Variants in SLC16A7 observed in about 807,000 individuals in gnomAD.
SLC16A7 encodes the protein monocarboxylate transporter 2.
SLC16A7 carries 33 observed loss-of-function variants against 34.9 expected under a neutral mutation model. The ratio of observed to expected loss-of-function variants is 0.94; its 90% CI spans 0.72 to 1.26. The LOEUF (loss-of-function observed/expected upper bound fraction) is 1.26, where lower values mean the gene tolerates loss of function less well. Ranked by LOEUF, SLC16A7 falls within the 50% of genes most tolerant of loss-of-function variation. The pLI, the probability that SLC16A7 is intolerant of heterozygous loss-of-function variation, is 0.00. For missense variants in SLC16A7, 573 were observed against 578.1 expected (o/e 0.99, Z 0.09); for synonymous variants, 201 against 206.6 (o/e 0.97, Z 0.23).
intron 1 of SLC16A7, among the ~76,000 whole-genome samples, chr12:59,620,084 G>A (rs954124356): frequency 2.0e-4 from 31 of 151,460 alleles, no homozygotes; most frequent in African/African-American, 6.8e-4. Context: ...GACAGAGAGG[G>A]CAGCTGCCTA....
chr12:59,634,407 C>T (rs1428021863), intron 1 of SLC16A7, among the ~76,000 whole-genome samples: 1 of 152,054 alleles, frequency 6.6e-6, no homozygotes, highest in Non-Finnish European at 1.5e-5. Context: ...TGGGAAACCA[C>T]TGCAACTGCA....
intron 2 of SLC16A7, among the ~76,000 whole-genome samples, chr12:59,662,086 T>G (rs1176945321): frequency 6.6e-6 from 1 of 152,078 alleles, no homozygotes; most frequent in East Asian, 1.9e-4. Context: ...GACCTTTGTT[T>G]TTTTGTGTTT....
In SLC16A7 at chr12:59,774,986, G is replaced by GA; in HGVS notation, c.696dup (p.Val233SerfsTer2). 2 of 1,613,750 alleles carry GA rather than the reference G, an allele frequency of 1.2e-6. No homozygotes were observed. Among genetic ancestry groups the GA allele is most frequent in the Non-Finnish European group, 1.7e-6 (2 of 1,179,864 alleles). ...AATCAAAACGAAGAAATCAACTTGG[G>GA]AAAAAGTTAATAAGTATTTAGATTT... On this transcript the variant is annotated frameshift_variant, in exon 5 of 6. Coordinates refer to ENST00000547379, the MANE Select transcript of SLC16A7 (RefSeq NM_001270623.2). LOFTEE classifies it high-confidence loss of function.
At chr12:59,687,164 C>T (rs1477777685) in intron 2 of SLC16A7, among the ~76,000 whole-genome samples, 1 of 151,780 alleles carries the variant, frequency 6.6e-6, no homozygotes, top group African/African-American at 2.4e-5. Context: ...CTTGTTTTTA[C>T]TTGTCCTGAG....
chr12:59,684,342 C>T (rs1008127401), intron 2 of SLC16A7, among the ~76,000 whole-genome samples: 3 of 152,134 alleles, frequency 2.0e-5, no homozygotes, highest in African/African-American at 7.2e-5. Context: ...GAGAGGGACT[C>T]CTTTTCCTCT....
chr12:59,683,803 C>A (rs556544674), intron 2 of SLC16A7, among the ~76,000 whole-genome samples: 1 of 152,006 alleles, frequency 6.6e-6, no homozygotes, highest in East Asian at 1.9e-4. Flanking sequence ...TTATGAGAAC[C>A]CACATATGTT....
At chr12:59,603,640 A>G (rs1878795336) in intron 1 of SLC16A7, among the ~76,000 whole-genome samples, 1 of 152,186 alleles carries the variant, frequency 6.6e-6, no homozygotes, top group African/African-American at 2.4e-5. Context: ...ATTGTATAAT[A>G]GAATGTCTTG....
At chr12:59,672,262 A>C (rs1328416654) in intron 2 of SLC16A7, among the ~76,000 whole-genome samples, 1 of 127,762 alleles carries the variant, frequency 7.8e-6, no homozygotes, top group Non-Finnish European at 1.8e-5. Context: ...GTATATATGC[A>C]TATATACGTA....
chr12:59,671,065 G>T (rs1289216959), intron 2 of SLC16A7, among the ~76,000 whole-genome samples: 1 of 152,146 alleles, frequency 6.6e-6, no homozygotes, highest in Admixed American at 6.5e-5. Context: ...CAAGCCATCA[G>T]ACAAGAGGGT....
Position 59,775,490 on chromosome 12 carries a change from C to A in SLC16A7, c.1180+15C>A. Reference sequence around the variant, plus strand: ...TCCTCTTGCAGGTAAGAACGTTTTTCATCAAGGAAAATGTAAAGCATAAAA... The same window carrying A: ...TCCTCTTGCAGGTAAGAACGTTTTTAATCAAGGAAAATGTAAAGCATAAAA... On this transcript the variant is annotated intron_variant, in intron 5 of 5. Transcript: ENST00000547379. 1.3e-6 allele frequency: 2 copies of A among 1,584,846 alleles called. No individual in the cohort carries two copies. Among genetic ancestry groups the A allele is most frequent in the Non-Finnish European group, 8.7e-7 (1 of 1,155,760 alleles).
At chr12:59,727,170 A>ATATATATATTAT (rs1555174538) in intron 3 of SLC16A7, among the ~76,000 whole-genome samples, 12 of 144,380 alleles carry the variant, frequency 8.3e-5, no homozygotes, top group East Asian at 4.0e-4. Context: ...ATATATATAT[A>ATATATATATTAT]ATATATATAT....
intron 1 of SLC16A7, among the ~76,000 whole-genome samples, chr12:59,613,710 A>C (rs1374207334): frequency 6.6e-6 from 1 of 152,210 alleles, no homozygotes; most frequent in Admixed American, 6.5e-5. Context: ...TGATGAAGAA[A>C]AAATGAAATA....
chr12:59,654,205 A>T (rs1481172511), intron 1 of SLC16A7, among the ~76,000 whole-genome samples: 1 of 151,280 alleles, frequency 6.6e-6, no homozygotes, highest in Non-Finnish European at 1.5e-5. Context: ...TATCTAAAGG[A>T]GTCTTTAAAT....
Position 59,779,885 on chromosome 12 carries a change from G to C in SLC16A7, c.*206G>C, listed in dbSNP as rs1883116397. The C allele has an allele frequency of 1.2e-5, 6 of 483,096 alleles. No individual in the cohort carries two copies. In the East Asian group the frequency reaches 2.2e-4, roughly 18 times the overall value. 29.9% of individuals were successfully genotyped at this position (483,096 alleles called of 1,614,324 possible). On this transcript the variant is annotated 3_prime_UTR_variant, in exon 6 of 6. Coordinates refer to ENST00000547379, the MANE Select transcript of SLC16A7 (RefSeq NM_001270623.2). ...TAGTTAAATTTTGAGATTATGCATA[G>C]AAAGAATCCATGCTATAGGTTTATT...
At chr12:59,776,671 AC>A (rs760820743) in intron 5 of SLC16A7, among the ~76,000 whole-genome samples, 13 of 151,976 alleles carry the variant, frequency 8.6e-5, no homozygotes, top group Non-Finnish European at 1.5e-4. Context: ...GACATCATTG[AC>A]CTTTTGTCTC....
chr12:59,766,840 C>T (rs970671244), intron 3 of SLC16A7, among the ~76,000 whole-genome samples: 14 of 152,000 alleles, frequency 9.2e-5, no homozygotes, highest in Admixed American at 6.6e-5. Context: ...ATGATGCTGG[C>T]CTCATAAAAT....
chr12:59,728,483 A>C (rs1372501739), intron 3 of SLC16A7, among the ~76,000 whole-genome samples: 1 of 152,220 alleles, frequency 6.6e-6, no homozygotes, highest in South Asian at 2.1e-4. Context: ...TCAGATTACT[A>C]ACAAAAATAG....
intron 2 of SLC16A7, among the ~76,000 whole-genome samples, chr12:59,656,066 A>G (rs948008784): frequency 4.6e-5 from 7 of 152,016 alleles, no homozygotes; most frequent in African/African-American, 1.7e-4. Flanking sequence ...TAAGAGTAGT[A>G]TGGTAAATTT....
chr12:59,640,294 TTACTC>T (rs1174380552), intron 1 of SLC16A7, among the ~76,000 whole-genome samples: 3 of 152,136 alleles, frequency 2.0e-5, no homozygotes, highest in Non-Finnish European at 2.9e-5. Flanking sequence ...AATTTGCAAT[TTACTC>T]TAATGTTTTT....
Sources: allele counts gnomAD v4.1 joint callset (sites outside exome capture counted in the v4.1 genomes callset), GRCh38; gene constraint gnomAD v4.1.1; transcripts MANE v1.5; gene names NCBI Gene and HGNC (gene_info 2026-07-23, HGNC 2026-07-21).